The following RASEF variants were observed in gnomAD, a reference collection of about 807,000 sequenced individuals.
RASEF encodes ras and EF-hand domain-containing protein.
RASEF carries 68 observed loss-of-function variants against 90.1 expected under a neutral mutation model. The observed-to-expected ratio is 0.75, with a 90% CI of 0.62 to 0.92. RASEF has a LOEUF of 0.92. RASEF is among the 40% of genes least tolerant of loss of function. RASEF has a pLI of 0.00. For synonymous variants in RASEF, 331 were observed against 345.2 expected (o/e 0.96, Z 0.46); for missense variants, 949 against 937.2 (o/e 1.01, Z -0.16).
chr9:83,013,701 C>T (rs1295969652), intron 4 of RASEF, among the ~76,000 whole-genome samples: 93 of 152,274 alleles, frequency 6.1e-4, no homozygotes, highest in Non-Finnish European at 1.8e-4. Flanking sequence ...TGACTCTGAA[C>T]AAGTTAGTTA....
chr9:83,002,379 GTCTT>G (rs1199726281), intron 9 of RASEF, among the ~76,000 whole-genome samples: 1 of 152,004 alleles, frequency 6.6e-6, no homozygotes, highest in African/African-American at 2.4e-5. Flanking sequence ...CAATTACAAA[GTCTT>G]TATTCTGAGC....
chr9:83,056,752 G>C (rs1420635619), intron 1 of RASEF, among the ~76,000 whole-genome samples: 1 of 152,238 alleles, frequency 6.6e-6, no homozygotes, highest in Non-Finnish European at 1.5e-5. Context: ...TGGGAGTACA[G>C]TCTCCCTGGT....
chr9:83,003,533 C>T (rs750040001), intron 9 of RASEF, among the ~76,000 whole-genome samples: 1 of 152,110 alleles, frequency 6.6e-6, no homozygotes, highest in East Asian at 1.9e-4. Context: ...TTTTAAAAAT[C>T]GATTATTTCT....
chr9:83,179,008 T>C, the RASEF span, among the ~76,000 whole-genome samples: 5 of 152,188 alleles, frequency 3.3e-5, no homozygotes, highest in Non-Finnish European at 7.4e-5. Flanking sequence ...ACCAGCATTG[T>C]CTACAACTAT....
chr9:83,204,922 T>A, the RASEF span, among the ~76,000 whole-genome samples: 1 of 152,250 alleles, frequency 6.6e-6, no homozygotes, highest in South Asian at 2.1e-4. Context: ...ATTTTTGTAA[T>A]CTTCAAAATC....
At chr9:83,185,614 C>A in the RASEF span, among the ~76,000 whole-genome samples, 1 of 152,138 alleles carries the variant, frequency 6.6e-6, no homozygotes, top group South Asian at 2.1e-4. Flanking sequence ...TTCCCAACAA[C>A]AAAACACACA....
chr9:83,120,186 T>C, the RASEF span, among the ~76,000 whole-genome samples: 2 of 152,196 alleles, frequency 1.3e-5, no homozygotes, highest in Non-Finnish European at 2.9e-5. Flanking sequence ...GAGAGGAAGA[T>C]GGAAAACTAA....
chr9:83,011,657 G>A (rs1829249544), intron 5 of RASEF, among the ~76,000 whole-genome samples: 1 of 146,950 alleles, frequency 6.8e-6, no homozygotes, highest in African/African-American at 2.5e-5. Flanking sequence ...GACTAAATAA[G>A]TCTTAAGGTA....
At chr9:82,982,887 G>A in intron 16 of RASEF, 105 bp from the exon 17 acceptor site, 1 of 744,392 alleles carries the variant, frequency 1.3e-6, no homozygotes, top group East Asian at 2.5e-5. Context: ...AATAAAAATA[G>A]CCATGCTGAG....
At chr9:83,031,762 G>A (rs1441501616) in intron 1 of RASEF, among the ~76,000 whole-genome samples, 1 of 152,162 alleles carries the variant, frequency 6.6e-6, no homozygotes, top group Non-Finnish European at 1.5e-5. Flanking sequence ...AAGAATGAAA[G>A]CATGAATAAG....
At chr9:83,006,975 T>G (rs1439135381) in intron 7 of RASEF, among the ~76,000 whole-genome samples, 1 of 151,504 alleles carries the variant, frequency 6.6e-6, no homozygotes, top group Non-Finnish European at 1.5e-5. Flanking sequence ...GTGCCTGTAG[T>G]CCCAGCTACT....
chr9:82,985,229 G>A lies in RASEF; in HGVS notation c.2118-2447C>T, dbSNP rs117005667. Among the ~76,000 whole-genome samples the A allele has an allele frequency of 3.6e-3, 552 of 152,290 alleles. 12 individuals are homozygous for A. Among genetic ancestry groups the A allele is most frequent in the Admixed American group, 0.027 (416 of 15,300 alleles). On this transcript the variant is annotated intron_variant, in intron 16 of 16. Coordinates refer to ENST00000376447, the MANE Select transcript of RASEF (RefSeq NM_152573.4). ...GGTTTAATTGGACTTAGAGTTCCACGTAGCTGGGGAGGCCTCAGAATCATG... is the reference window on the plus strand; with the variant it reads ...GGTTTAATTGGACTTAGAGTTCCACATAGCTGGGGAGGCCTCAGAATCATG...
the RASEF span, among the ~76,000 whole-genome samples, chr9:83,086,218 A>G: frequency 6.6e-6 from 1 of 152,228 alleles, no homozygotes; most frequent in African/African-American, 2.4e-5. Flanking sequence ...AGAAGCTTCA[A>G]CTATTTGGAA....
At chr9:83,106,374 C>T in the RASEF span, among the ~76,000 whole-genome samples, 1 of 152,176 alleles carries the variant, frequency 6.6e-6, no homozygotes, top group South Asian at 2.1e-4. Context: ...TCACCCCTTG[C>T]CAGCAATGAT....
At chr9:83,164,347 G>GTATA in the RASEF span, among the ~76,000 whole-genome samples, 100 of 129,972 alleles carry the variant, frequency 7.7e-4, 2 homozygotes, top group South Asian at 6.3e-3. Context: ...GTATATGTGT[G>GTATA]TATATATATA....
the RASEF span, among the ~76,000 whole-genome samples, chr9:83,162,682 G>T: frequency 6.6e-6 from 1 of 152,178 alleles, no homozygotes; most frequent in Non-Finnish European, 1.5e-5. Context: ...AGGGAACACT[G>T]CTGCCCCAAA....
chr9:83,018,543 G>A (rs1829385498), intron 3 of RASEF, among the ~76,000 whole-genome samples: 1 of 151,940 alleles, frequency 6.6e-6, no homozygotes, highest in East Asian at 1.9e-4. Context: ...CAAACTCCCT[G>A]CAGACTTTTA....
chr9:83,190,161 G>A, the RASEF span, among the ~76,000 whole-genome samples: 10 of 152,044 alleles, frequency 6.6e-5, no homozygotes, highest in Non-Finnish European at 5.9e-5. Context: ...TGTAATTAGC[G>A]ACACAAATTT....
chr9:83,153,951 A>C, the RASEF span, among the ~76,000 whole-genome samples: 1 of 152,194 alleles, frequency 6.6e-6, no homozygotes, highest in South Asian at 2.1e-4. Flanking sequence ...CACCCACTTG[A>C]CAGGCTGCAT....
Sources: allele counts gnomAD v4.1 joint callset (sites outside exome capture counted in the v4.1 genomes callset), GRCh38; gene constraint gnomAD v4.1.1; transcripts MANE v1.5; gene names NCBI Gene and HGNC (gene_info 2026-07-23, HGNC 2026-07-21).